H6PD: variants seen among roughly 807,000 people sequenced by gnomAD.
H6PD encodes the protein hexose-6-phosphate dehydrogenase/glucose 1-dehydrogenase.
H6PD carries 48 observed loss-of-function variants against 61.2 expected under a neutral mutation model. That is an observed-to-expected ratio of 0.78 (90% CI 0.62 to 1.00). H6PD has a LOEUF of 1.00. Among genes scored for constraint, H6PD ranks in the 50% least tolerant of loss-of-function variants. H6PD has a pLI of 0.00. For synonymous variants in H6PD, 480 were observed against 457.9 expected, an observed-to-expected ratio of 1.05 and a Z score of -0.62; for missense variants, 1,093 against 1,065.0, an observed-to-expected ratio of 1.03 and a Z score of -0.37.
At chr1:9,241,619 G>A (rs1371261392) in intron 1 of H6PD, among the ~76,000 whole-genome samples, 3 of 152,152 alleles carry the variant, frequency 2.0e-5, no homozygotes, top group Non-Finnish European at 4.4e-5. Context: ...AGGCTGGTCT[G>A]GAAGTCCTGG....
At position 9,270,362 on chromosome 1, in the gene H6PD, CT is replaced by C. The variant is rs1348584996; in HGVS notation, c.*5496del. The C allele has an allele frequency of 6.6e-6, 1 of 152,302 alleles. No individual in the cohort carries two copies. Among genetic ancestry groups the C allele is most frequent in the African/African-American group, 2.4e-5 (1 of 41,434 alleles). 9.4% of individuals were successfully genotyped at this position (152,302 alleles called of 1,614,324 possible). On this transcript the variant is annotated 3_prime_UTR_variant, in exon 5 of 5. Transcript: ENST00000377403. ...GTGTGAACAGACACTACTTGTGTCG[CT>C]TTGGGTCCTTCACTTTACCCCCACA...
intron 3 of H6PD, among the ~76,000 whole-genome samples, chr1:9,251,822 A>C (rs1641373874): frequency 6.7e-6 from 1 of 148,518 alleles, no homozygotes; most frequent in African/African-American, 2.5e-5. Context: ...ACCTCTTTTT[A>C]TTTTTAGTAA....
At chr1:9,262,789 GC>G (rs1324830362) in intron 4 of H6PD, among the ~76,000 whole-genome samples, 2 of 152,210 alleles carry the variant, frequency 1.3e-5, no homozygotes, top group African/African-American at 4.8e-5. Flanking sequence ...TAGCAGCCAG[GC>G]AGTAAGAGCC....
rs371138658 is a variant in H6PD at position 9,239,407 on chromosome 1, C to T, written c.-11+4341C>T. Among the ~76,000 whole-genome samples the T allele has an allele frequency of 3.3e-5, 5 of 152,142 alleles. No homozygotes were observed. In the East Asian group the frequency reaches 5.8e-4, roughly 18 times the overall value. On this transcript the variant is annotated intron_variant, in intron 1 of 4. Coordinates refer to ENST00000377403, the MANE Select transcript of H6PD (RefSeq NM_004285.4). ...CAGAGCCCGATCTGGAAGCTTTTGT[C>T]CCCATTCTGGCCCTTAGGGCAGTGA... is the stretch of plus-strand genomic sequence containing the variant.
intron 1 of H6PD, among the ~76,000 whole-genome samples, chr1:9,238,429 A>G (rs1295697551): frequency 1.3e-5 from 2 of 152,240 alleles, no homozygotes; most frequent in South Asian, 2.1e-4. Flanking sequence ...GAGGAGGCCA[A>G]TTAGGAAGTT....
chr1:9,252,239 C>T (rs1470654901), intron 3 of H6PD, among the ~76,000 whole-genome samples: 1 of 152,160 alleles, frequency 6.6e-6, no homozygotes, highest in Non-Finnish European at 1.5e-5. Flanking sequence ...ATTTCTCTCT[C>T]ACATATACAT....
rs201220456 is a variant in H6PD at position 9,260,927 on chromosome 1, C to T, written c.746-1132C>T. Among the ~76,000 whole-genome samples, 24 of 152,216 alleles carry T rather than the reference C, an allele frequency of 1.6e-4. No individual in the cohort carries two copies. The East Asian group carries it at 4.4e-3, about 28-fold the overall frequency. On this transcript the variant is annotated intron_variant, in intron 3 of 4. Transcript: ENST00000377403. ...GTCTGTGAGCGCCTCCACTGCCCAT[C>T]CCTCTGCTCAGGCCCCACTTCCAGG... is the stretch of plus-strand genomic sequence containing the variant.
intron 3 of H6PD, among the ~76,000 whole-genome samples, chr1:9,255,994 G>A (rs1365375267): frequency 6.6e-6 from 1 of 152,216 alleles, no homozygotes; most frequent in Non-Finnish European, 1.5e-5. Flanking sequence ...CAGGCTCTGG[G>A]TCGAACTGCC....
At chr1:9,252,264 A>C (rs1641390002) in intron 3 of H6PD, among the ~76,000 whole-genome samples, 1 of 152,206 alleles carries the variant, frequency 6.6e-6, no homozygotes, top group East Asian at 1.9e-4. Context: ...AGTTGTATAC[A>C]TACTTAAATC....
At position 9,262,275 on chromosome 1, in the gene H6PD, G is replaced by A. The variant is rs140867232; in HGVS notation, c.962G>A (p.Arg321His). The change falls in exon 4 of 5, where the codon CGC becomes CAC. Residue 321 changes from arginine (R) to histidine (H), a missense_variant. Physicochemically the swap from Arg to His is conservative, Grantham distance 29. Coordinates refer to ENST00000377403, the MANE Select transcript of H6PD (RefSeq NM_004285.4). ...TACCAGTCTTACAGTGAGCAGGTGC[G>A]CAGAGAGCTGCAGAAGCCAGACAGC... is the stretch of plus-strand genomic sequence containing the variant. ...GQYQSYSEQV[R>H]RELQKPDSFH... The A allele has an allele frequency of 8.4e-5, 135 of 1,609,092 alleles. No individual in the cohort carries two copies. In the African/African-American group the frequency reaches 1.4e-3, roughly 17 times the overall value.
At chr1:9,263,023 C>G (rs1054023413) in intron 4 of H6PD, among the ~76,000 whole-genome samples, 2 of 152,180 alleles carry the variant, frequency 1.3e-5, no homozygotes, top group African/African-American at 4.8e-5. Context: ...CTTGCCAACA[C>G]CCCACCCACG....
At position 9,270,894 on chromosome 1, in the gene H6PD, A is replaced by G. The variant is rs1638727134; in HGVS notation, c.*6025A>G. 1 of 152,038 alleles carries G rather than the reference A, an allele frequency of 6.6e-6. No homozygotes were observed. The highest frequency in any genetic ancestry group is 1.5e-5 in the Non-Finnish European group (1 of 68,020). 9.4% of individuals were successfully genotyped at this position (152,038 alleles called of 1,614,324 possible). A position where few individuals can be genotyped will look rare whatever the true frequency, so the allele number is the denominator to read the frequency against. On this transcript the variant is annotated 3_prime_UTR_variant, in exon 5 of 5. Coordinates refer to ENST00000377403, the MANE Select transcript of H6PD (RefSeq NM_004285.4). ...AACCCCACTGGTTTTTGTGGAAACA[A>G]TGGAAACTTACAGATGCCTGCCTGG...
chr1:9,248,407 G>A (rs1486226621), intron 3 of H6PD, among the ~76,000 whole-genome samples: 1 of 152,186 alleles, frequency 6.6e-6, no homozygotes, highest in Non-Finnish European at 1.5e-5. Context: ...GCCACAGTGA[G>A]GTACAAAACT....
At chr1:9,240,545 T>TAAAC (rs1640967807) in intron 1 of H6PD, among the ~76,000 whole-genome samples, 1 of 152,148 alleles carries the variant, frequency 6.6e-6, no homozygotes, top group Admixed American at 6.5e-5. Context: ...CTAAATGACT[T>TAAAC]GTTTAAGGTT....
At position 9,263,978 on chromosome 1, in the gene H6PD, T is replaced by C. The variant is rs1278204869; in HGVS notation, c.1485T>C (p.His495=). Residue 495 remains histidine (H), a synonymous_variant, in exon 5 of 5, where the codon CAT becomes CAC. Coordinates refer to ENST00000377403, the MANE Select transcript of H6PD (RefSeq NM_004285.4). ...CCCCTCTGCTGGAGAGCCTGGCCCA[T>C]AAGGCCCCACGCCTCTACCCTGGAG... is the stretch of plus-strand genomic sequence containing the variant. ...FWTPLLESLA[H]KAPRLYPGGA... is the part of the protein sequence containing the mutation. The C allele has an allele frequency of 1.9e-6, 3 of 1,614,188 alleles. No homozygotes were observed. The highest frequency in any genetic ancestry group is 2.5e-6 in the Non-Finnish European group (3 of 1,180,040).
chr1:9,243,917 G>A (rs1641080428), intron 1 of H6PD, among the ~76,000 whole-genome samples: 1 of 152,086 alleles, frequency 6.6e-6, no homozygotes, highest in Non-Finnish European at 1.5e-5. Context: ...GGCAGATTTG[G>A]TCCCCTCTAT....
chr1:9,261,993 C>T (rs1215403112), intron 3 of H6PD, 66 bp from the exon 4 acceptor site: 12 of 1,540,852 alleles, frequency 7.8e-6, no homozygotes, highest in Non-Finnish European at 1.1e-5. Flanking sequence ...TTTGGTGCAC[C>T]TCGGGGAGAT....
chr1:9,268,480 A>G lies in H6PD; in HGVS notation c.*3611A>G, dbSNP rs1638642573. On this transcript the variant is annotated 3_prime_UTR_variant, in exon 5 of 5. Transcript: ENST00000377403. ...GCACTTAGGGGCCCATAAATGGCAG[A>G]AGGGCCCCTCCTTTGGGAGACCTTG... 6.6e-6 allele frequency: 1 copy of G among 152,224 alleles called. No homozygotes were observed. The highest frequency in any genetic ancestry group is 1.5e-5 in the Non-Finnish European group (1 of 68,048). 9.4% of individuals were successfully genotyped at this position (152,224 alleles called of 1,614,324 possible).
At chr1:9,261,428 G>C (rs1638285128) in intron 3 of H6PD, among the ~76,000 whole-genome samples, 1 of 151,872 alleles carries the variant, frequency 6.6e-6, no homozygotes, top group African/African-American at 2.4e-5. Context: ...GGCTCTTCAG[G>C]TCTCGGAGGG....
Sources: gnomAD v4.1 joint callset for allele counts (sites outside exome capture counted in the v4.1 genomes callset) on GRCh38, gnomAD v4.1.1 for gene constraint, MANE v1.5 for transcripts, NCBI Gene and HGNC (gene_info 2026-07-23, HGNC 2026-07-21) for gene names.